Variants in ATP9A observed in about 807,000 individuals in gnomAD.
ATP9A encodes the protein probable phospholipid-transporting ATPase IIA.
A neutral mutation model predicts 144.1 loss-of-function variants in ATP9A; 52 were observed. That is an observed-to-expected ratio of 0.36 (90% CI 0.29 to 0.45). The LOEUF is 0.45. Among genes scored for constraint, ATP9A ranks in the 20% least tolerant of loss-of-function variants. ATP9A has a pLI of 1.00. For missense variants in ATP9A, 947 were observed against 1,392.7 expected (o/e 0.68, Z 5.09); for synonymous variants, 582 against 557.4 (o/e 1.04, Z -0.62).
intron 2 of ATP9A, among the ~76,000 whole-genome samples, chr20:51,728,363 G>A (rs959974819): frequency 3.9e-5 from 6 of 152,074 alleles, no homozygotes; most frequent in Non-Finnish European, 7.4e-5. Flanking sequence ...GCGCTGGCTC[G>A]TGCCTATAAT....
intron 15 of ATP9A, among the ~76,000 whole-genome samples, chr20:51,638,372 CA>C (rs2077304269): frequency 6.6e-6 from 1 of 150,602 alleles, no homozygotes; most frequent in Non-Finnish European, 1.5e-5. Flanking sequence ...GAGTTTTCTG[CA>C]ACGAAGCTAA....
chr20:51,723,776 TG>T (rs1466501522), intron 3 of ATP9A, among the ~76,000 whole-genome samples: 11 of 151,930 alleles, frequency 7.2e-5, no homozygotes, highest in African/African-American at 2.7e-4. Flanking sequence ...AGGATGGTCT[TG>T]ATCTCTTGAC....
At chr20:51,702,584 T>A (rs891450819) in intron 4 of ATP9A, among the ~76,000 whole-genome samples, 2 of 151,900 alleles carry the variant, frequency 1.3e-5, no homozygotes, top group Non-Finnish European at 2.9e-5. Context: ...TCCAAGGAGC[T>A]CTCAAGTTGG....
At chr20:51,638,005 C>G (rs1326239057) in intron 15 of ATP9A, among the ~76,000 whole-genome samples, 1 of 143,428 alleles carries the variant, frequency 7.0e-6, no homozygotes, top group African/African-American at 2.6e-5. Context: ...AGTCCCCAAT[C>G]CCATCCAGTT....
intron 3 of ATP9A, among the ~76,000 whole-genome samples, chr20:51,721,063 G>A (rs1030306902): frequency 5.9e-5 from 9 of 152,198 alleles, no homozygotes; most frequent in African/African-American, 2.2e-4. Flanking sequence ...AGAAGCACCT[G>A]CATTGTTTGT....
intron 1 of ATP9A, among the ~76,000 whole-genome samples, chr20:51,745,076 C>T (rs954336768): frequency 6.6e-6 from 1 of 151,938 alleles, no homozygotes; most frequent in Non-Finnish European, 1.5e-5. Flanking sequence ...GAGATCAAGA[C>T]CATTCTGGCC....
intron 10 of ATP9A, among the ~76,000 whole-genome samples, chr20:51,674,806 C>A (rs1254937117): frequency 6.6e-6 from 1 of 152,034 alleles, no homozygotes; most frequent in East Asian, 1.9e-4. Flanking sequence ...TTAGGTGGTG[C>A]ATTAATGGAC....
At chr20:51,650,148 T>G (rs2077357750) in intron 14 of ATP9A, among the ~76,000 whole-genome samples, 1 of 152,212 alleles carries the variant, frequency 6.6e-6, no homozygotes, top group Admixed American at 6.5e-5. Context: ...TGCAATGATA[T>G]TCCATGTCCT....
At chr20:51,670,179 G>A in intron 12 of ATP9A, 70 bp from the exon 13 acceptor site, 1 of 1,227,356 alleles carries the variant, frequency 8.1e-7, no homozygotes, top group East Asian at 2.3e-5. Flanking sequence ...AGTAATGACA[G>A]CTGCCATCTT....
At chr20:51,736,728 G>A (rs531084013) in intron 1 of ATP9A, among the ~76,000 whole-genome samples, 10 of 152,010 alleles carry the variant, frequency 6.6e-5, no homozygotes, top group Non-Finnish European at 1.0e-4. Context: ...TTAAATAGGT[G>A]AATTATAAGG....
At chr20:51,761,484 G>A (rs970097955) in intron 1 of ATP9A, among the ~76,000 whole-genome samples, 15 of 152,108 alleles carry the variant, frequency 9.9e-5, no homozygotes, top group East Asian at 3.9e-4. Flanking sequence ...AACTTTGGCC[G>A]GGCGCCGTGG....
rs2077646806 is a variant in ATP9A, at chr20:51,713,046, C to T, written c.356G>A (p.Arg119His). 1 of 1,612,644 alleles carries T rather than the reference C, an allele frequency of 6.2e-7. No homozygotes were observed. Among genetic ancestry groups the T allele is most frequent in the Non-Finnish European group, 8.5e-7 (1 of 1,179,450 alleles). Residue 119 changes from arginine to histidine, a missense_variant, in exon 4 of 28, where the codon CGT (arginine) becomes CAT (histidine). Physicochemically the swap from Arg to His is conservative, Grantham distance 29. This residue lies in a region of ATP9A where 770 missense variants were observed against 1,047.9 expected (regional missense o/e 0.73). Coordinates refer to ENST00000338821, the MANE Select transcript of ATP9A (RefSeq NM_006045.3). Reference protein sequence around the residue: ...LGFVLAVTVIREAVEEIRCYV... With the variant: ...LGFVLAVTVIHEAVEEIRCYV... ...GCATCGGATCTCCTCCACCGCCTCA[C>T]GGATGACAGTGACGGCCAGCACGAA...
chr20:51,625,488 A>G, intron 17 of ATP9A, 126 bp from the exon 18 acceptor site: 1 of 1,101,152 alleles, frequency 9.1e-7, no homozygotes, highest in Non-Finnish European at 1.3e-6. Context: ...CCAGCAGGTG[A>G]GCTGGACCCC....
At position 51,619,040 on chromosome 20, in the gene ATP9A, T is replaced by C. The variant is rs1402777995; in HGVS notation, c.2119A>G (p.Thr707Ala). 6.2e-7 allele frequency: 1 copy of C among 1,613,746 alleles called. No individual in the cohort carries two copies. The change falls in exon 20 of 28, where the codon ACC becomes GCC. Residue 707 changes from threonine to alanine, a missense_variant. This residue lies in a region of ATP9A where 770 missense variants were observed against 1,047.9 expected (regional missense o/e 0.73). Transcript: ENST00000338821. ...TCGAGGTGAGCCTCCCCGCGGTTGG[T>C]CACCTGGAAGGGAACAGAGATGGGG... ...NQDIHVFRLV[T>A]NRGEAHLELN... is the part of the protein sequence containing the mutation.
intron 13 of ATP9A, 33 bp from the exon 14 acceptor site, chr20:51,657,183 C>G: frequency 6.4e-7 from 1 of 1,566,342 alleles, no homozygotes. Flanking sequence ...AGGAAGATGA[C>G]CAGAGGCAGG....
intron 14 of ATP9A, among the ~76,000 whole-genome samples, chr20:51,643,996 A>G (rs962037348): frequency 2.6e-5 from 4 of 152,022 alleles, no homozygotes; most frequent in Non-Finnish European, 5.9e-5. Context: ...CTAGCCAGGC[A>G]TGATGGCGGG....
intron 13 of ATP9A, among the ~76,000 whole-genome samples, chr20:51,657,812 C>T (rs984362440): frequency 2.6e-5 from 4 of 152,156 alleles, no homozygotes; most frequent in African/African-American, 2.4e-5. Context: ...AAACCTTGGC[C>T]GGATGGGACT....
chr20:51,652,967 G>A (rs543423122), intron 14 of ATP9A, among the ~76,000 whole-genome samples: 5 of 151,990 alleles, frequency 3.3e-5, no homozygotes, highest in South Asian at 4.2e-4. Context: ...AAAAATAGCC[G>A]GGCGTGGCAG....
At chr20:51,710,955 C>A (rs565416313) in intron 4 of ATP9A, among the ~76,000 whole-genome samples, 1 of 152,178 alleles carries the variant, frequency 6.6e-6, no homozygotes, top group African/African-American at 2.4e-5. Context: ...CCACCGCACT[C>A]TCTCCGATGG....
Sources: allele counts gnomAD v4.1 joint callset (sites outside exome capture counted in the v4.1 genomes callset), GRCh38; gene constraint gnomAD v4.1.1; regional missense constraint gnomAD v4.1.1; transcripts MANE v1.5; gene names NCBI Gene and HGNC (gene_info 2026-07-23, HGNC 2026-07-21).